The following MYLK4 variants were observed in gnomAD, a reference collection of about 807,000 sequenced individuals.
MYLK4 encodes myosin light chain kinase family member 4.
A neutral mutation model predicts 48.1 loss-of-function variants in MYLK4; 46 were observed. The ratio of observed to expected loss-of-function variants is 0.96; its 90% CI spans 0.75 to 1.22. The LOEUF is 1.22. Ranked by LOEUF, MYLK4 falls within the 50% of genes most tolerant of loss-of-function variation. The probability of loss-of-function intolerance (pLI) is 0.00; values close to 1 mark genes in which losing one functional copy is unlikely to be tolerated. For synonymous variants in MYLK4, 170 were observed against 180.8 expected (o/e 0.94, Z 0.48); for missense variants, 451 against 486.1 (o/e 0.93, Z 0.68).
chr6:2,754,388 C>T (rs989287285), upstream of MYLK4, among the ~76,000 whole-genome samples: 2 of 151,312 alleles, frequency 1.3e-5, no homozygotes, highest in African/African-American at 2.4e-5. Context: ...TATGGATGAG[C>T]GAAAACACTG....
chr6:2,745,162 G>A (rs1376616089), intron 2 of MYLK4, among the ~76,000 whole-genome samples: 2 of 152,176 alleles, frequency 1.3e-5, no homozygotes, highest in East Asian at 3.8e-4. Context: ...GGTTGGCTGA[G>A]AATATCACCA....
intron 2 of MYLK4, among the ~76,000 whole-genome samples, chr6:2,698,620 T>C (rs184945534): frequency 1.3e-5 from 2 of 152,362 alleles, no homozygotes; most frequent in Admixed American, 6.5e-5. Flanking sequence ...CAATTTATAA[T>C]GACTTTATTA....
At chr6:2,691,009 TTAAA>T (rs1761773409) in intron 3 of MYLK4, among the ~76,000 whole-genome samples, 1 of 152,080 alleles carries the variant, frequency 6.6e-6, no homozygotes, top group Admixed American at 6.5e-5. Context: ...TTTTGTATTT[TTAAA>T]TAGAGACGGG....
intron 6 of MYLK4, among the ~76,000 whole-genome samples, chr6:2,684,297 C>A (rs979626384): frequency 1.3e-4 from 20 of 152,080 alleles, no homozygotes; most frequent in African/African-American, 4.8e-4. Context: ...TGGGACCGAG[C>A]GGGACGGTGG....
At chr6:2,732,648 G>A (rs1252216359) in intron 2 of MYLK4, among the ~76,000 whole-genome samples, 2 of 151,940 alleles carry the variant, frequency 1.3e-5, no homozygotes, top group Non-Finnish European at 2.9e-5. Context: ...ATCATGCCAA[G>A]TGACCCCCGA....
intron 2 of MYLK4, among the ~76,000 whole-genome samples, chr6:2,706,350 CT>C (rs11340237): frequency 0.19 from 27,596 of 146,190 alleles, 2,567 homozygotes; most frequent in Admixed American, 0.22. Context: ...TCTAAAGTGA[CT>C]TTTTTTTTTT....
chr6:2,726,819 G>C (rs1229236411), intron 2 of MYLK4, among the ~76,000 whole-genome samples: 1 of 151,890 alleles, frequency 6.6e-6, no homozygotes, highest in East Asian at 1.9e-4. Context: ...CACCATGTTG[G>C]CCAGGCTGGT....
intron 2 of MYLK4, among the ~76,000 whole-genome samples, chr6:2,720,010 A>G (rs999791202): frequency 2.6e-5 from 4 of 152,138 alleles, no homozygotes; most frequent in African/African-American, 9.7e-5. Flanking sequence ...CCCAGAGATT[A>G]TAATTTAATT....
At position 2,692,554 on chromosome 6, in the gene MYLK4, C is replaced by T. The variant is rs1461152515; in HGVS notation, c.235+230G>A. ...ATCAGCAGATATAAGCTTTTAAAAG[C>T]TAAGTAGAAGGAAATATGACCAATT... On this transcript the variant is annotated intron_variant, in intron 3 of 12. Coordinates refer to ENST00000274643, the MANE Select transcript of MYLK4 (RefSeq NM_001012418.5). Among the ~76,000 whole-genome samples, 3 of 138,760 alleles carry T rather than the reference C, an allele frequency of 2.2e-5. No homozygotes were observed. In the Admixed American group the frequency reaches 2.4e-4, roughly 11 times the overall value. The allele number at this position is 138,760 out of a possible 152,430, so 91.0% of individuals were successfully genotyped here. A position where few individuals can be genotyped will look rare whatever the true frequency, so the allele number is the denominator to read the frequency against.
intron 2 of MYLK4, among the ~76,000 whole-genome samples, chr6:2,737,641 A>G (rs1237779491): frequency 1.3e-5 from 2 of 152,148 alleles, no homozygotes; most frequent in Non-Finnish European, 2.9e-5. Context: ...GGGGGAGTCC[A>G]TAGCTCCAGG....
At chr6:2,748,853 A>G (rs541897739) in intron 2 of MYLK4, among the ~76,000 whole-genome samples, 1 of 152,208 alleles carries the variant, frequency 6.6e-6, no homozygotes, top group Non-Finnish European at 1.5e-5. Flanking sequence ...GCCCAAATCC[A>G]TCATGCTAAA....
At position 2,673,339 on chromosome 6, in the gene MYLK4, A is replaced by G. The variant is rs904161858; in HGVS notation, c.1119+1708T>C. On this transcript the variant is annotated intron_variant, in intron 11 of 12. Coordinates refer to ENST00000274643, the MANE Select transcript of MYLK4 (RefSeq NM_001012418.5). The surrounding 1 kb of genome is among the most constrained non-coding windows in gnomAD (Gnocchi z 4.2). ...TTACTTGACATCAGTACCAATTATC[A>G]AGGAAAGGTATATTCAGACACAAAT... is the stretch of plus-strand genomic sequence containing the variant. Among the ~76,000 whole-genome samples, 22 of 152,218 alleles carry G rather than the reference A, an allele frequency of 1.4e-4. No individual in the cohort carries two copies. The highest frequency in any genetic ancestry group is 2.5e-4 in the Non-Finnish European group (17 of 68,042).
chr6:2,743,783 C>G, intron 2 of MYLK4: 1 of 396,232 alleles, frequency 2.5e-6, no homozygotes, highest in Non-Finnish European at 4.4e-6. Flanking sequence ...GACCAGGGCC[C>G]TGGGCAAAGA....
chr6:2,736,312 TG>T (rs1459801191), intron 2 of MYLK4, among the ~76,000 whole-genome samples: 3 of 152,248 alleles, frequency 2.0e-5, no homozygotes, highest in Non-Finnish European at 4.4e-5. Flanking sequence ...TGCAGCGCAA[TG>T]GCGCGATCTC....
intron 1 of MYLK4, among the ~76,000 whole-genome samples, chr6:2,750,532 T>C (rs1462042946): frequency 6.6e-6 from 1 of 152,228 alleles, no homozygotes; most frequent in Non-Finnish European, 1.5e-5. Flanking sequence ...CTATGGTTAA[T>C]TGCAGATGAA....
At chr6:2,729,390 G>A (rs375291794) in intron 2 of MYLK4, among the ~76,000 whole-genome samples, 1 of 152,230 alleles carries the variant, frequency 6.6e-6, no homozygotes, top group Admixed American at 6.5e-5. Context: ...AAGGCAGGTC[G>A]GCTGTGGGAC....
intron 1 of MYLK4, among the ~76,000 whole-genome samples, chr6:2,750,032 G>T (rs761101039): frequency 2.5e-4 from 38 of 152,090 alleles, no homozygotes; most frequent in Non-Finnish European, 7.4e-5. Context: ...CGCAAATGAA[G>T]TAATGCAGCA....
chr6:2,744,710 C>G (rs1764015843), intron 2 of MYLK4, among the ~76,000 whole-genome samples: 1 of 152,308 alleles, frequency 6.6e-6, no homozygotes, highest in South Asian at 2.1e-4. Context: ...GGCATTTAAA[C>G]ACTCCAGGGA....
intron 2 of MYLK4, among the ~76,000 whole-genome samples, chr6:2,737,697 AC>A (rs2113346636): frequency 6.6e-6 from 1 of 152,286 alleles, no homozygotes; most frequent in African/African-American, 2.4e-5. Context: ...TGCCTGAGAA[AC>A]CTGACAGCAT....
Sources: gnomAD v4.1 joint callset for allele counts (sites outside exome capture counted in the v4.1 genomes callset) on GRCh38, gnomAD v4.1.1 for gene constraint, Gnocchi (gnomAD v3.1) non-coding constraint, MANE v1.5 for transcripts, NCBI Gene and HGNC (gene_info 2026-07-23, HGNC 2026-07-21) for gene names.